SLCO5A1: variants seen among roughly 807,000 people sequenced by gnomAD.
SLCO5A1 encodes the protein solute carrier organic anion transporter family member 5A1, also known as organic anion transporter polypeptide-related protein 4.
Under a neutral mutation model 65.1 loss-of-function variants are expected in SLCO5A1, and 39 were observed. The observed-to-expected ratio is 0.60, with a 90% confidence interval of 0.46 to 0.78. The LOEUF (loss-of-function observed/expected upper bound fraction) is 0.78. Ranked by LOEUF, SLCO5A1 falls within the 30% of genes least tolerant of loss-of-function variation. The pLI is 0.00. For synonymous variants in SLCO5A1, 438 were observed against 415.7 expected, an observed-to-expected ratio of 1.05 and a Z score of -0.65; for missense variants, 1,029 against 1,069.4, an observed-to-expected ratio of 0.96 and a Z score of 0.53.
rs758434274 is a variant in SLCO5A1 at position 69,705,058 on chromosome 8, C to A, written c.1595G>T (p.Gly532Val). 5.6e-6 allele frequency: 9 copies of A among 1,613,294 alleles called. No homozygotes were observed. The South Asian group carries it at 9.9e-5, about 18-fold the overall frequency. ...TGTTGTATAAGGGATGTTTATGCCC[C>A]CTAGATTAATGCTTTCACATCCAAC... The part of the protein sequence containing the change: ...FIVGCESINL[G>V]GINIPYTTGP... Residue 532 changes from glycine to valine, a missense_variant, in exon 6 of 10, where the codon GGG becomes GTG. Gly to Val is a moderately radical substitution (Grantham distance 109, BLOSUM62 -3). This residue lies in a region of SLCO5A1 where 124 missense variants were observed against 184.5 expected (regional missense o/e 0.67). Transcript: ENST00000260126.
intron 2 of SLCO5A1, among the ~76,000 whole-genome samples, chr8:69,772,159 C>G (rs2380571): frequency 0.25 from 38,287 of 152,016 alleles, 6,600 homozygotes; most frequent in African/African-American, 0.49. Context: ...CATGGGATCA[C>G]TTGCAACCTC....
At chr8:69,761,181 A>G (rs1817755809) in intron 3 of SLCO5A1, among the ~76,000 whole-genome samples, 1 of 152,224 alleles carries the variant, frequency 6.6e-6, no homozygotes, top group African/African-American at 2.4e-5. Flanking sequence ...AGTGTCCCCA[A>G]ACCCTCTGTA....
At chr8:69,729,779 TC>T (rs1405097874) in intron 5 of SLCO5A1, among the ~76,000 whole-genome samples, 2 of 152,036 alleles carry the variant, frequency 1.3e-5, no homozygotes, top group African/African-American at 4.8e-5. Context: ...CCTTACTGTC[TC>T]CCGCCCCAGA....
intron 2 of SLCO5A1, among the ~76,000 whole-genome samples, chr8:69,763,274 G>A (rs573307159): frequency 2.6e-5 from 4 of 151,104 alleles, no homozygotes; most frequent in East Asian, 3.9e-4. Context: ...ACGCCATCGC[G>A]CTCCAGTCTG....
At position 69,670,223 on chromosome 8, in the gene SLCO5A1, T is replaced by C. The variant is rs1813290844; in HGVS notation, c.*2646A>G. 1.3e-5 allele frequency: 2 copies of C among 152,322 alleles called. No individual in the cohort carries two copies. Among genetic ancestry groups the C allele is most frequent in the Admixed American group, 1.3e-4 (2 of 15,296 alleles). 9.4% of individuals were successfully genotyped at this position (152,322 alleles called of 1,614,324 possible). ...AAAACAAGTAATTTGAAGCCTAAGCTCATGGAGAGTCTTCATTAAAACTTC... is the reference window on the plus strand; with the variant it reads ...AAAACAAGTAATTTGAAGCCTAAGCCCATGGAGAGTCTTCATTAAAACTTC... On this transcript the variant is annotated 3_prime_UTR_variant, in exon 10 of 10. Coordinates refer to ENST00000260126, the MANE Select transcript of SLCO5A1 (RefSeq NM_030958.3).
At chr8:69,757,394 C>G (rs1038694706) in intron 3 of SLCO5A1, among the ~76,000 whole-genome samples, 5 of 152,174 alleles carry the variant, frequency 3.3e-5, no homozygotes, top group Admixed American at 6.5e-5. Context: ...GTGGCTCATG[C>G]CTGTAATCCC....
chr8:69,832,837 C>G lies in SLCO5A1; in HGVS notation c.-164G>C. 1.3e-6 allele frequency: 1 copy of G among 743,128 alleles called. No homozygotes were observed. Among genetic ancestry groups the G allele is most frequent in the East Asian group, 2.8e-5 (1 of 36,360 alleles). 46.0% of individuals were successfully genotyped at this position (743,128 alleles called of 1,614,324 possible). On this transcript the variant is annotated 5_prime_UTR_variant, in exon 2 of 10. Coordinates refer to ENST00000260126, the MANE Select transcript of SLCO5A1 (RefSeq NM_030958.3). This position sits in a 1 kb window ranked among gnomAD's most constrained non-coding sequence, Gnocchi z 4.5. ...CAGGGCATCCTCACCAGCTGCGAGG[C>G]GCCCAGTGCATCCTGATCACAGACA...
chr8:69,684,729 C>G (rs900603824), intron 6 of SLCO5A1, among the ~76,000 whole-genome samples: 1 of 152,178 alleles, frequency 6.6e-6, no homozygotes. Flanking sequence ...TTGCTGTACA[C>G]TGCTTCTCTA....
In SLCO5A1 at chr8:69,755,408, A is replaced by G. The variant is rs374163813; in HGVS notation, c.1258+16T>C. ...CAAAGTGCCATGCATGTATTTATTCAAGAGGTATACTTTACCTCTGACATC... is the reference window on the plus strand; with the variant it reads ...CAAAGTGCCATGCATGTATTTATTCGAGAGGTATACTTTACCTCTGACATC... On this transcript the variant is annotated intron_variant, in intron 4 of 9. Transcript: ENST00000260126. 2 of 1,598,472 alleles carry G rather than the reference A, an allele frequency of 1.3e-6. No individual in the cohort carries two copies. Among genetic ancestry groups the G allele is most frequent in the East Asian group, 2.2e-5 (1 of 44,782 alleles).
chr8:69,787,853 C>A (rs187946991), intron 2 of SLCO5A1, among the ~76,000 whole-genome samples: 1 of 152,312 alleles, frequency 6.6e-6, no homozygotes, highest in African/African-American at 2.4e-5. Context: ...ATCTCCCCAA[C>A]AACCTTGAGG....
At chr8:69,737,365 C>T (rs1816604525) in intron 5 of SLCO5A1, among the ~76,000 whole-genome samples, 1 of 152,156 alleles carries the variant, frequency 6.6e-6, no homozygotes, top group Non-Finnish European at 1.5e-5. Flanking sequence ...TATGGCCAAT[C>T]AGCCATCTTT....
intron 2 of SLCO5A1, among the ~76,000 whole-genome samples, chr8:69,828,385 G>A (rs1389786667): frequency 2.0e-5 from 3 of 151,984 alleles, no homozygotes; most frequent in African/African-American, 7.2e-5. Flanking sequence ...GGTGGATCAC[G>A]AGGTCAGGAG....
At chr8:69,769,214 C>T (rs1818209022) in intron 2 of SLCO5A1, among the ~76,000 whole-genome samples, 1 of 152,204 alleles carries the variant, frequency 6.6e-6, no homozygotes, top group South Asian at 2.1e-4. Flanking sequence ...AATGTCTGTC[C>T]TAGGTGCTCA....
chr8:69,705,320 T>TA, intron 5 of SLCO5A1, 91 bp from the exon 6 acceptor site: 1 of 1,212,542 alleles, frequency 8.2e-7, no homozygotes, highest in Admixed American at 2.3e-5. Flanking sequence ...AGTACTGAGG[T>TA]AAAAAATCAA....
At chr8:69,756,525 A>G (rs1360373556) in intron 3 of SLCO5A1, among the ~76,000 whole-genome samples, 2 of 152,232 alleles carry the variant, frequency 1.3e-5, no homozygotes, top group Non-Finnish European at 2.9e-5. Flanking sequence ...AGAACCTACA[A>G]CCTGTTCATA....
At chr8:69,737,749 A>G (rs893218298) in intron 5 of SLCO5A1, among the ~76,000 whole-genome samples, 1 of 152,176 alleles carries the variant, frequency 6.6e-6, no homozygotes, top group African/African-American at 2.4e-5. Flanking sequence ...ATTTAGATTT[A>G]AATTTGAATG....
At chr8:69,686,629 A>C (rs745453703) in intron 6 of SLCO5A1, among the ~76,000 whole-genome samples, 23 of 152,176 alleles carry the variant, frequency 1.5e-4, no homozygotes, top group Non-Finnish European at 1.2e-4. Flanking sequence ...GAGGATAGGC[A>C]CTGCCAAAGT....
intron 5 of SLCO5A1, among the ~76,000 whole-genome samples, chr8:69,722,145 T>C (rs1815854746): frequency 1.3e-5 from 2 of 152,142 alleles, no homozygotes; most frequent in South Asian, 4.1e-4. Context: ...CTCTGCAGCC[T>C]GGGTGACAGA....
chr8:69,766,663 T>G (rs1013184179), intron 2 of SLCO5A1, among the ~76,000 whole-genome samples: 2 of 152,228 alleles, frequency 1.3e-5, no homozygotes, highest in Admixed American at 6.5e-5. Context: ...CAACTAAAAA[T>G]TAAAGACTCT....
Sources: gnomAD v4.1 joint callset for allele counts (sites outside exome capture counted in the v4.1 genomes callset) on GRCh38, gnomAD v4.1.1 for gene constraint, gnomAD v4.1.1 regional missense constraint, Gnocchi (gnomAD v3.1) non-coding constraint, MANE v1.5 for transcripts, NCBI Gene and HGNC (gene_info 2026-07-23, HGNC 2026-07-21) for gene names.